VAV3: variants seen among roughly 807,000 people sequenced by gnomAD.
VAV3 encodes the protein vav guanine nucleotide exchange factor 3, also known as guanine nucleotide exchange factor VAV3.
A neutral mutation model predicts 131.2 loss-of-function variants in VAV3; 94 were observed. The observed-to-expected ratio is 0.72, with a 90% CI of 0.61 to 0.85. VAV3 has a LOEUF of 0.85. VAV3 is among the 40% of genes least tolerant of loss of function. The pLI, the probability that VAV3 is intolerant of heterozygous loss-of-function variation, is 0.00. For missense variants in VAV3, 939 were observed against 1,002.7 expected (o/e 0.94, Z 0.86); for synonymous variants, 349 against 342.0 (o/e 1.02, Z -0.22).
chr1:107,904,153 G>A (rs148358505), intron 1 of VAV3, among the ~76,000 whole-genome samples: 13 of 152,266 alleles, frequency 8.5e-5, no homozygotes, highest in Middle Eastern at 3.4e-3. Flanking sequence ...GGGCCACTAC[G>A]TAGACACTGG....
At chr1:107,638,204 G>C (rs1001678759) in intron 20 of VAV3, among the ~76,000 whole-genome samples, 3 of 152,072 alleles carry the variant, frequency 2.0e-5, no homozygotes, top group Non-Finnish European at 4.4e-5. Flanking sequence ...GGACATTCTA[G>C]CCATTGCTAC....
chr1:107,806,361 G>T (rs1247603686), intron 2 of VAV3, among the ~76,000 whole-genome samples: 1 of 152,000 alleles, frequency 6.6e-6, no homozygotes, highest in African/African-American at 2.4e-5. Context: ...TGCTTGGAGT[G>T]TCTTTACTTC....
At chr1:107,883,815 C>T (rs1415470443) in intron 1 of VAV3, among the ~76,000 whole-genome samples, 3 of 152,110 alleles carry the variant, frequency 2.0e-5, no homozygotes, top group African/African-American at 7.2e-5. Context: ...AGCACTGCAC[C>T]CCTCTCCCTT....
intron 1 of VAV3, among the ~76,000 whole-genome samples, chr1:107,879,120 A>G (rs972888330): frequency 4.6e-5 from 7 of 152,122 alleles, no homozygotes; most frequent in African/African-American, 1.7e-4. Flanking sequence ...ATTAATAATT[A>G]CAATAATATT....
At chr1:107,606,289 C>A (rs1570599704) in intron 22 of VAV3, among the ~76,000 whole-genome samples, 1 of 152,098 alleles carries the variant, frequency 6.6e-6, no homozygotes, top group East Asian at 1.9e-4. Context: ...TACATTGATT[C>A]ATTGTCTTCT....
intron 25 of VAV3, among the ~76,000 whole-genome samples, chr1:107,586,874 T>C (rs1044143658): frequency 1.5e-4 from 23 of 152,284 alleles, no homozygotes; most frequent in African/African-American, 4.8e-4. Flanking sequence ...TAAATAGCTA[T>C]AGTACATCAA....
At chr1:107,872,142 A>G (rs1035347916) in intron 2 of VAV3, among the ~76,000 whole-genome samples, 1 of 152,148 alleles carries the variant, frequency 6.6e-6, no homozygotes, top group Non-Finnish European at 1.5e-5. Context: ...CAGAGGCCTG[A>G]GCTCCAGATC....
intron 15 of VAV3, among the ~76,000 whole-genome samples, chr1:107,708,006 T>C (rs1240724136): frequency 6.6e-6 from 1 of 152,242 alleles, no homozygotes; most frequent in African/African-American, 2.4e-5. Flanking sequence ...AGAACAAATC[T>C]ACAAGGCAGA....
chr1:107,942,300 CCA>C (rs1202344676), intron 1 of VAV3, among the ~76,000 whole-genome samples: 1 of 152,098 alleles, frequency 6.6e-6, no homozygotes, highest in Non-Finnish European at 1.5e-5. Flanking sequence ...TGGTGAGATC[CCA>C]CAGCGAGAAG....
At chr1:107,589,830 G>C (rs903495084) in intron 25 of VAV3, among the ~76,000 whole-genome samples, 25 of 152,132 alleles carry the variant, frequency 1.6e-4, no homozygotes, top group African/African-American at 6.0e-4. Flanking sequence ...GTACGAAGGA[G>C]ATAATAAATA....
At chr1:107,783,990 G>A (rs898402668) in intron 2 of VAV3, among the ~76,000 whole-genome samples, 7 of 152,056 alleles carry the variant, frequency 4.6e-5, no homozygotes, top group African/African-American at 1.7e-4. Context: ...AACCTGGGAG[G>A]TGGGGCTTGC....
At chr1:107,617,321 A>G (rs1041134062) in intron 21 of VAV3, among the ~76,000 whole-genome samples, 1 of 152,012 alleles carries the variant, frequency 6.6e-6, no homozygotes, top group Non-Finnish European at 1.5e-5. Context: ...TTCTTCTAAA[A>G]CCTTTTAGAC....
At chr1:107,764,387 G>A (rs1295823193) in intron 9 of VAV3, among the ~76,000 whole-genome samples, 1 of 152,170 alleles carries the variant, frequency 6.6e-6, no homozygotes, top group African/African-American at 2.4e-5. Flanking sequence ...GTCTTACAGA[G>A]CCCTATTATA....
intron 20 of VAV3, among the ~76,000 whole-genome samples, chr1:107,631,963 C>T (rs1229533420): frequency 1.3e-5 from 2 of 152,056 alleles, no homozygotes; most frequent in Admixed American, 6.5e-5. Flanking sequence ...TTTATAGCAG[C>T]ATGATTTATA....
rs1665544727 is a variant in VAV3, at chr1:107,779,213, G to T, written c.380+221C>A. 2.0e-5 allele frequency among the ~76,000 whole-genome samples: 3 copies of T among 151,044 alleles called. No homozygotes were observed. In the South Asian group the frequency reaches 6.3e-4, roughly 31 times the overall value. On this transcript the variant is annotated intron_variant, in intron 3 of 26. Coordinates refer to ENST00000370056, the MANE Select transcript of VAV3 (RefSeq NM_006113.5). ...AACCACACCAGTGACAGTCACCTGTGAATTGAGAACAATGTTTAGCCAATG... is the reference window on the plus strand; with the variant it reads ...AACCACACCAGTGACAGTCACCTGTTAATTGAGAACAATGTTTAGCCAATG...
intron 19 of VAV3, among the ~76,000 whole-genome samples, chr1:107,681,720 C>A (rs1658628368): frequency 6.7e-6 from 1 of 150,092 alleles, no homozygotes; most frequent in Non-Finnish European, 1.5e-5. Context: ...GTGGCGCGAT[C>A]TCGGCTCACT....
At chr1:107,850,775 C>T (rs1018299488) in intron 2 of VAV3, among the ~76,000 whole-genome samples, 19 of 151,878 alleles carry the variant, frequency 1.3e-4, no homozygotes, top group African/African-American at 4.6e-4. Context: ...ATTTGTAGAG[C>T]CAGACTGATC....
chr1:107,605,636 G>A (rs939277507), intron 22 of VAV3, among the ~76,000 whole-genome samples: 2 of 152,162 alleles, frequency 1.3e-5, no homozygotes, highest in African/African-American at 4.8e-5. Flanking sequence ...CTTTCTGAGA[G>A]TCAGCATGTT....
chr1:107,758,992 A>T, intron 10 of VAV3, among the ~76,000 whole-genome samples: 1 of 152,094 alleles, frequency 6.6e-6, no homozygotes, highest in Non-Finnish European at 1.5e-5. Context: ...TCCTCTGGGG[A>T]GTCTTCTATG....
Sources: gnomAD v4.1 joint callset for allele counts (sites outside exome capture counted in the v4.1 genomes callset) on GRCh38, gnomAD v4.1.1 for gene constraint, MANE v1.5 for transcripts, NCBI Gene and HGNC (gene_info 2026-07-23, HGNC 2026-07-21) for gene names.